Variants in CBLC observed in about 807,000 individuals in gnomAD.
The protein encoded by CBLC is E3 ubiquitin-protein ligase CBL-C.
CBLC carries 46 observed loss-of-function variants against 58.6 expected under a neutral mutation model. The ratio of observed to expected loss-of-function variants is 0.79; its 90% CI spans 0.62 to 1.00. The LOEUF is 1.00. CBLC is among the 50% of genes least tolerant of loss of function. CBLC has a pLI of 0.00. For synonymous variants in CBLC, 271 were observed against 264.2 expected, an observed-to-expected ratio of 1.03 and a Z score of -0.25; for missense variants, 655 against 625.8, an observed-to-expected ratio of 1.05 and a Z score of -0.50.
intron 4 of CBLC, among the ~76,000 whole-genome samples, chr19:44,783,532 T>C (rs1314925074): frequency 6.9e-6 from 1 of 145,772 alleles, no homozygotes; most frequent in Non-Finnish European, 1.5e-5. Context: ...AATACAAAAA[T>C]TAGCCTGGCA....
Position 44,777,973 on chromosome 19 carries a change from G to C in CBLC, c.42G>C (p.Glu14Asp), listed in dbSNP as rs902236013. 3.7e-6 allele frequency: 6 copies of C among 1,605,868 alleles called. No homozygotes were observed. The highest frequency in any genetic ancestry group is 1.7e-4 in the Middle Eastern group (1 of 6,058). The change falls in exon 1 of 11, where the codon GAG (glutamate) becomes GAC (aspartate). Residue 14 changes from glutamate to aspartate, a missense_variant. By Grantham distance (45) the Glu-to-Asp change is conservative. Around this residue, in one of 3 missense-constraint regions of CBLC, gnomAD observed 280 missense variants for 237.2 expected, o/e 1.18. Transcript: ENST00000647358. ...AVAPWGRQWE[E>D]ARALGRAVRM... Reference sequence around the variant, plus strand: ...CCCCGTGGGGGCGACAGTGGGAAGAGGCCCGCGCCCTGGGCCGGGCAGTCA... The same window carrying C: ...CCCCGTGGGGGCGACAGTGGGAAGACGCCCGCGCCCTGGGCCGGGCAGTCA...
chr19:44,799,592 A>T (rs942998405), intron 9 of CBLC, among the ~76,000 whole-genome samples: 9 of 151,986 alleles, frequency 5.9e-5, no homozygotes, highest in African/African-American at 1.9e-4. Context: ...TCGGCCTCCC[A>T]AAGTGCTGGG....
At position 44,794,297 on chromosome 19, in the gene CBLC, G is replaced by C. The variant is rs1448923570; in HGVS notation, c.1362+16G>C. 6.2e-7 allele frequency: 1 copy of C among 1,611,652 alleles called. No homozygotes were observed. Among genetic ancestry groups the C allele is most frequent in the Non-Finnish European group, 8.5e-7 (1 of 1,178,776 alleles). On this transcript the variant is annotated intron_variant, in intron 9 of 10. Coordinates refer to ENST00000647358, the MANE Select transcript of CBLC (RefSeq NM_012116.4). ...GCCGAAAGTGGTGAGTCAGGCGCTG[G>C]TCTGAGGTTGGGGGCTGGGGTCTCA...
chr19:44,785,164 A>T (rs920941580), intron 5 of CBLC, among the ~76,000 whole-genome samples: 1 of 150,568 alleles, frequency 6.6e-6, no homozygotes, highest in African/African-American at 2.4e-5. Context: ...TTTAGTAGAG[A>T]CAGGGTTTCA....
chr19:44,782,546 C>T (rs1599859977), intron 4 of CBLC, 55 bp downstream of exon 4: 4 of 1,477,102 alleles, frequency 2.7e-6, no homozygotes, highest in African/African-American at 2.8e-5. Context: ...GATCTGGGCT[C>T]TGGGCTGGTG....
rs188951876 is a variant in CBLC at position 44,789,578 on chromosome 19, A to C, written c.918-426A>C. On this transcript the variant is annotated intron_variant, in intron 5 of 10. Transcript: ENST00000647358. ...GCTAATTTTTATATTTTCAGTAGAG[A>C]CGGGGTTCCACCATGTTAGCCAAGC... is the stretch of plus-strand genomic sequence containing the variant. 2.5e-3 allele frequency among the ~76,000 whole-genome samples: 375 copies of C among 152,170 alleles called. 1 individual carries two copies. Among genetic ancestry groups the C allele is most frequent in the African/African-American group, 8.7e-3 (362 of 41,528 alleles).
chr19:44,790,143 C>A, intron 6 of CBLC, 52 bp downstream of exon 6: 1 of 1,417,234 alleles, frequency 7.1e-7, no homozygotes, highest in Non-Finnish European at 1.0e-6. Context: ...CTGCCACCCC[C>A]ACGTTGCCTT....
At chr19:44,797,479 T>G (rs1233700132) in intron 9 of CBLC, among the ~76,000 whole-genome samples, 1 of 151,864 alleles carries the variant, frequency 6.6e-6, no homozygotes, top group East Asian at 1.9e-4. Flanking sequence ...TTGAACTCCT[T>G]ACCTCCGGTC....
At chr19:44,788,479 CTTTTT>C (rs1293573931) in intron 5 of CBLC, among the ~76,000 whole-genome samples, 3 of 118,586 alleles carry the variant, frequency 2.5e-5, no homozygotes, top group Non-Finnish European at 1.8e-5. Flanking sequence ...TTTAAAATTT[CTTTTT>C]TTTTTTTTTT....
Position 44,784,345 on chromosome 19 carries a change from C to G in CBLC, c.861C>G (p.Thr287=). The change falls in exon 5 of 11, where the codon ACC becomes ACG. Residue 287 remains threonine, a synonymous_variant. Transcript: ENST00000647358. ...YVSSDGSILQ[T]IPANKPLSQV... ...GCTCAGATGGCAGCATCCTGCAGAC[C>G]ATCCCTGCCAACAAACCCCTGTCCC... is the stretch of plus-strand genomic sequence containing the variant. 1.2e-6 allele frequency: 2 copies of G among 1,602,078 alleles called. No homozygotes were observed. The highest frequency in any genetic ancestry group is 1.7e-6 in the Non-Finnish European group (2 of 1,170,396).
chr19:44,799,126 C>T (rs1278544186), intron 9 of CBLC, among the ~76,000 whole-genome samples: 1 of 152,154 alleles, frequency 6.6e-6, no homozygotes, highest in Non-Finnish European at 1.5e-5. Flanking sequence ...ATCAGCTCCA[C>T]CAGGACAAAG....
intron 9 of CBLC, among the ~76,000 whole-genome samples, chr19:44,799,336 T>A (rs1968240068): frequency 6.6e-6 from 1 of 152,142 alleles, no homozygotes; most frequent in Non-Finnish European, 1.5e-5. Context: ...GACCCTGTTT[T>A]GCTTTGTTTT....
At chr19:44,780,706 C>G (rs1409089281) in intron 1 of CBLC, among the ~76,000 whole-genome samples, 199 bp from the exon 2 acceptor site, 1 of 152,102 alleles carries the variant, frequency 6.6e-6, no homozygotes, top group East Asian at 1.9e-4. Context: ...CTCCTGACTT[C>G]AAGTGATCCA....
chr19:44,798,476 G>A (rs1396176206), intron 9 of CBLC, among the ~76,000 whole-genome samples: 3 of 152,104 alleles, frequency 2.0e-5, no homozygotes, highest in East Asian at 3.9e-4. Flanking sequence ...TTGGGAGGCC[G>A]AGGTGGGCAA....
chr19:44,794,488 G>A (rs1968139721), intron 9 of CBLC, among the ~76,000 whole-genome samples: 1 of 126,860 alleles, frequency 7.9e-6, no homozygotes, highest in Non-Finnish European at 1.6e-5. Flanking sequence ...TTTTTGAGAC[G>A]GAATCTTGTT....
intron 9 of CBLC, among the ~76,000 whole-genome samples, chr19:44,794,498 T>C: frequency 6.7e-6 from 1 of 148,550 alleles, no homozygotes; most frequent in Admixed American, 6.7e-5. Flanking sequence ...GGAATCTTGT[T>C]CTGTCGCTCA....
intron 9 of CBLC, among the ~76,000 whole-genome samples, chr19:44,795,104 C>T (rs1968153511): frequency 1.3e-5 from 2 of 152,094 alleles, no homozygotes; most frequent in Non-Finnish European, 2.9e-5. Context: ...ACTACAGGCA[C>T]CCACCACCAT....
In CBLC at chr19:44,777,992, G is replaced by T; in HGVS notation, c.61G>T (p.Ala21Ser). The T allele has an allele frequency of 6.2e-7, 1 of 1,607,980 alleles. No homozygotes were observed. Among genetic ancestry groups the T allele is most frequent in the Non-Finnish European group, 8.5e-7 (1 of 1,179,246 alleles). Reference sequence around the variant, plus strand: ...GGAAGAGGCCCGCGCCCTGGGCCGGGCAGTCAGGATGCTGCAGCGCCTAGA... The same window carrying T: ...GGAAGAGGCCCGCGCCCTGGGCCGGTCAGTCAGGATGCTGCAGCGCCTAGA... ...QWEEARALGR[A>S]VRMLQRLEEQ... Residue 21 changes from alanine (A) to serine (S), a missense_variant, in exon 1 of 11, where the codon GCA (alanine) becomes TCA (serine). This residue lies in a region of CBLC where 280 missense variants were observed against 237.2 expected (regional missense o/e 1.18). Coordinates refer to ENST00000647358, the MANE Select transcript of CBLC (RefSeq NM_012116.4).
chr19:44,788,628 C>A (rs892702336), intron 5 of CBLC, among the ~76,000 whole-genome samples: 1 of 151,878 alleles, frequency 6.6e-6, no homozygotes, highest in Non-Finnish European at 1.5e-5. Flanking sequence ...TACAGACACG[C>A]ACCTCCATGC....
Sources: gnomAD v4.1 joint callset for allele counts (sites outside exome capture counted in the v4.1 genomes callset) on GRCh38, gnomAD v4.1.1 for gene constraint, gnomAD v4.1.1 regional missense constraint, MANE v1.5 for transcripts, NCBI Gene and HGNC (gene_info 2026-07-23, HGNC 2026-07-21) for gene names.